LRRTM4: variants seen among roughly 807,000 people sequenced by gnomAD.
LRRTM4 encodes the protein leucine rich repeat transmembrane neuronal 4, also known as leucine-rich repeat transmembrane neuronal protein 4.
In LRRTM4, 25 loss-of-function variants were observed where a neutral mutation model predicts 47.6. The observed-to-expected ratio is 0.53, with a 90% CI of 0.38 to 0.73. LRRTM4 has a LOEUF of 0.73. Ranked by LOEUF, LRRTM4 falls within the 30% of genes least tolerant of loss-of-function variation. The pLI is 0.00. For missense variants in LRRTM4, 638 were observed against 713.4 expected, an observed-to-expected ratio of 0.89 and a Z score of 1.20; for synonymous variants, 311 against 269.5, an observed-to-expected ratio of 1.15 and a Z score of -1.51.
At chr2:77,344,261 G>A (rs1199276368) in intron 3 of LRRTM4, among the ~76,000 whole-genome samples, 1 of 151,732 alleles carries the variant, frequency 6.6e-6, no homozygotes, top group Non-Finnish European at 1.5e-5. Flanking sequence ...TTCTGAGATG[G>A]TACAGGTGTT....
rs569878556 is a variant in LRRTM4, at chr2:76,781,061, T to A, written c.1552-32145A>T. ...GCCCGTGCTTGGGGGTGCCTCCCAG[T>A]TAGGCTGTTCTGGGGTCAGGGACCC... On this transcript the variant is annotated intron_variant, in intron 3 of 3. Transcript: ENST00000409884. Among the ~76,000 whole-genome samples the A allele has an allele frequency of 1.7e-3, 262 of 150,250 alleles. 2 individuals carry two copies. The South Asian group carries it at 0.033, about 19-fold the overall frequency.
At chr2:77,447,608 C>A (rs1011756007) in intron 3 of LRRTM4, among the ~76,000 whole-genome samples, 2 of 152,126 alleles carry the variant, frequency 1.3e-5, no homozygotes, top group Non-Finnish European at 2.9e-5. Context: ...GTTTATGTGC[C>A]ATAATTCTTG....
intron 3 of LRRTM4, among the ~76,000 whole-genome samples, chr2:77,029,082 ATT>A (rs1491239578): frequency 6.9e-6 from 1 of 144,800 alleles, no homozygotes; most frequent in African/African-American, 2.5e-5. Context: ...ATATATATAT[ATT>A]ATATATATAT....
intron 3 of LRRTM4, among the ~76,000 whole-genome samples, chr2:76,930,093 G>A (rs1173660912): frequency 6.6e-6 from 1 of 151,992 alleles, no homozygotes; most frequent in Non-Finnish European, 1.5e-5. Context: ...TCAGTTTCAG[G>A]CTCTGTGTAC....
intron 3 of LRRTM4, among the ~76,000 whole-genome samples, chr2:77,105,627 T>G (rs1671075596): frequency 1.3e-5 from 2 of 152,134 alleles, no homozygotes; most frequent in East Asian, 3.9e-4. Flanking sequence ...ACCTGCACGT[T>G]GTGCACATGT....
chr2:77,068,747 C>T (rs1344977012), intron 3 of LRRTM4, among the ~76,000 whole-genome samples: 1 of 152,166 alleles, frequency 6.6e-6, no homozygotes, highest in Non-Finnish European at 1.5e-5. Flanking sequence ...GAACAGGCCC[C>T]CCAAAATCTG....
intron 3 of LRRTM4, among the ~76,000 whole-genome samples, chr2:76,911,828 C>CTG (rs1195092376): frequency 2.0e-5 from 3 of 149,022 alleles, no homozygotes; most frequent in African/African-American, 7.5e-5. Flanking sequence ...GTGTGTGTGC[C>CTG]TGTGTGTGTG....
intron 3 of LRRTM4, among the ~76,000 whole-genome samples, chr2:76,914,095 T>C (rs1043644937): frequency 1.3e-5 from 2 of 151,912 alleles, no homozygotes; most frequent in African/African-American, 4.8e-5. Flanking sequence ...TATCTTTTAC[T>C]GGGATTAGTC....
chr2:77,123,244 A>AGAGAGAGAG (rs1553393782), intron 3 of LRRTM4, among the ~76,000 whole-genome samples: 2 of 151,334 alleles, frequency 1.3e-5, no homozygotes, highest in African/African-American at 2.4e-5. Context: ...AGAGAGAGAG[A>AGAGAGAGAG]AATTTAATTC....
intron 3 of LRRTM4, among the ~76,000 whole-genome samples, chr2:77,044,119 A>C (rs1345909984): frequency 6.6e-6 from 1 of 151,738 alleles, no homozygotes; most frequent in East Asian, 1.9e-4. Flanking sequence ...AAGGACCTGG[A>C]ATTATTTAAA....
intron 3 of LRRTM4, among the ~76,000 whole-genome samples, chr2:77,051,933 T>C (rs962365675): frequency 1.3e-5 from 2 of 152,124 alleles, no homozygotes; most frequent in African/African-American, 4.8e-5. Context: ...TGTAATTGTT[T>C]CTTGGGTCTT....
intron 3 of LRRTM4, among the ~76,000 whole-genome samples, chr2:76,773,577 A>C (rs1198738483): frequency 6.6e-6 from 1 of 152,068 alleles, no homozygotes; most frequent in East Asian, 1.9e-4. Context: ...AAAAATGTTA[A>C]TTTTAGATAA....
chr2:77,197,672 T>G (rs1196941512), intron 3 of LRRTM4, among the ~76,000 whole-genome samples: 3 of 152,200 alleles, frequency 2.0e-5, no homozygotes, highest in Non-Finnish European at 4.4e-5. Context: ...TTTTTATGAT[T>G]TTGCAACCTT....
intron 3 of LRRTM4, among the ~76,000 whole-genome samples, chr2:76,974,646 A>G (rs1432602486): frequency 6.6e-6 from 1 of 151,636 alleles, no homozygotes; most frequent in East Asian, 2.0e-4. Flanking sequence ...ATCACTACAA[A>G]GGATATATTT....
intron 3 of LRRTM4, among the ~76,000 whole-genome samples, chr2:77,324,545 A>G (rs1670683853): frequency 6.6e-6 from 1 of 152,102 alleles, no homozygotes; most frequent in Admixed American, 6.6e-5. Flanking sequence ...GAGAAGGACA[A>G]CAGCATTCAC....
At chr2:77,268,165 T>C (rs17013902) in intron 3 of LRRTM4, among the ~76,000 whole-genome samples, 13,317 of 152,172 alleles carry the variant, frequency 0.088, 712 homozygotes, top group East Asian at 0.31. Context: ...TATTTTCCAA[T>C]TGAGCTCCAG....
intron 3 of LRRTM4, among the ~76,000 whole-genome samples, chr2:77,429,042 G>A (rs1334348092): frequency 6.6e-6 from 1 of 152,102 alleles, no homozygotes. Flanking sequence ...TTCATTTAAA[G>A]ATTTTTATAA....
rs1438434451 is a variant in LRRTM4, at chr2:77,111,283, A to G, written c.1552-362367T>C. Among the ~76,000 whole-genome samples the G allele has an allele frequency of 3.5e-5, 4 of 113,168 alleles. No individual in the cohort carries two copies. In the Admixed American group the frequency reaches 3.8e-4, roughly 11 times the overall value. The allele number at this position is 113,168 out of a possible 152,430, so 74.2% of individuals were successfully genotyped here. On this transcript the variant is annotated intron_variant, in intron 3 of 3. Transcript: ENST00000409884. ...CAGGTGTGTGTCACCACACCTGGCT[A>G]TTTTTTTTTTTTTTTTTTTGTATTT...
At position 77,278,592 on chromosome 2, in the gene LRRTM4, GC is replaced by G. The variant is rs1558665564; in HGVS notation, c.1551+239725del. ...CCCAAAAGGTATATAGGAAGAATTG[GC>G]AAGAAAAATTAAAAGTAAAAATGTG... is the stretch of plus-strand genomic sequence containing the variant. On this transcript the variant is annotated intron_variant, in intron 3 of 3. Coordinates refer to ENST00000409884, the MANE Select transcript of LRRTM4 (RefSeq NM_001134745.3). Among the ~76,000 whole-genome samples, 5 of 152,012 alleles carry G rather than the reference GC, an allele frequency of 3.3e-5. No homozygotes were observed. In the South Asian group the frequency reaches 1.0e-3, roughly 32 times the overall value.
Sources: allele counts gnomAD v4.1 joint callset (sites outside exome capture counted in the v4.1 genomes callset), GRCh38; gene constraint gnomAD v4.1.1; transcripts MANE v1.5; gene names NCBI Gene and HGNC (gene_info 2026-07-23, HGNC 2026-07-21).